The following UTRN variants were observed in gnomAD, a reference collection of about 807,000 sequenced individuals.
The protein encoded by UTRN is utrophin, also known as dystrophin-related protein 1.
A neutral mutation model predicts 463.9 loss-of-function variants in UTRN; 283 were observed. The observed-to-expected ratio is 0.61, with a 90% CI of 0.55 to 0.67. The LOEUF is 0.67. Among genes scored for constraint, UTRN ranks in the 30% least tolerant of loss-of-function variants. The pLI is 0.00. For missense variants in UTRN, 3,922 were observed against 4,084.3 expected (o/e 0.96, Z 1.08); for synonymous variants, 1,442 against 1,431.5 (o/e 1.01, Z -0.17).
At chr6:144,624,017 AT>A (rs2128649442) in intron 51 of UTRN, among the ~76,000 whole-genome samples, 1 of 152,296 alleles carries the variant, frequency 6.6e-6, no homozygotes, top group African/African-American at 2.4e-5. Context: ...ATTTGGGAAA[AT>A]TGGCCACCAG....
At chr6:144,376,448 T>C (rs1780472938) in intron 2 of UTRN, among the ~76,000 whole-genome samples, 1 of 149,424 alleles carries the variant, frequency 6.7e-6, no homozygotes, top group Non-Finnish European at 1.5e-5. Context: ...AGCGACACTC[T>C]GTCTCAAAAA....
At position 144,429,717 on chromosome 6, in the gene UTRN, TGAA is replaced by T. The variant is rs1785622437; in HGVS notation, c.837_839del (p.Glu280del). On this transcript the variant is annotated inframe_deletion, in exon 9 of 75. Coordinates refer to ENST00000367545, the MANE Select transcript of UTRN (RefSeq NM_007124.3). ...TCCCAAGGAAATATAAAAAAGAATG[TGAA>T]GAAGAGGCAATTAATATACAGGTAC... 1.2e-6 allele frequency: 2 copies of T among 1,611,314 alleles called. No homozygotes were observed. The highest frequency in any genetic ancestry group is 1.7e-5 in the Admixed American group (1 of 59,252).
At chr6:144,386,849 A>G (rs1324746806) in intron 2 of UTRN, among the ~76,000 whole-genome samples, 2 of 152,058 alleles carry the variant, frequency 1.3e-5, no homozygotes, top group East Asian at 3.9e-4. Context: ...GTCATGGCGG[A>G]TATTAAAACA....
At chr6:144,801,228 G>T (rs1209346516) in intron 64 of UTRN, among the ~76,000 whole-genome samples, 1 of 152,042 alleles carries the variant, frequency 6.6e-6, no homozygotes, top group Non-Finnish European at 1.5e-5. Flanking sequence ...AATATGTCCA[G>T]ACTTGATACC....
chr6:144,370,064 A>G (rs142012230), intron 2 of UTRN, among the ~76,000 whole-genome samples: 88 of 152,330 alleles, frequency 5.8e-4, no homozygotes, highest in African/African-American at 2.0e-3. Flanking sequence ...GGGTACTGCT[A>G]ATTAAGATAC....
At chr6:144,797,641 A>C in intron 63 of UTRN, 183 bp from the exon 64 acceptor site, 1 of 523,542 alleles carries the variant, frequency 1.9e-6, no homozygotes, top group Non-Finnish European at 3.1e-6. Flanking sequence ...TGCTTTTTCT[A>C]CTCATAAGTT....
chr6:144,557,844 C>T (rs1378822587), intron 50 of UTRN, among the ~76,000 whole-genome samples: 2 of 152,082 alleles, frequency 1.3e-5, no homozygotes, highest in Non-Finnish European at 2.9e-5. Flanking sequence ...TTTGGAACAG[C>T]CCAAAATAGA....
intron 19 of UTRN, among the ~76,000 whole-genome samples, chr6:144,455,540 G>A (rs950998280): frequency 6.6e-6 from 1 of 152,144 alleles, no homozygotes; most frequent in African/African-American, 2.4e-5. Flanking sequence ...TTGAATCTGT[G>A]TACTGAATTT....
chr6:144,476,151 A>G (rs895215641), intron 25 of UTRN, among the ~76,000 whole-genome samples: 1 of 149,586 alleles, frequency 6.7e-6, no homozygotes, highest in African/African-American at 2.4e-5. Context: ...CAGCAGTTTG[A>G]GACCAGATGC....
intron 51 of UTRN, among the ~76,000 whole-genome samples, chr6:144,622,244 A>G (rs1181564659): frequency 7.8e-6 from 1 of 128,148 alleles, no homozygotes; most frequent in East Asian, 2.6e-4. Flanking sequence ...GCTGGAGTAC[A>G]CGATCTTGGC....
intron 34 of UTRN, among the ~76,000 whole-genome samples, chr6:144,509,134 A>G (rs1244587402): frequency 1.3e-5 from 2 of 152,084 alleles, no homozygotes; most frequent in East Asian, 3.8e-4. Flanking sequence ...TGCAGAATTG[A>G]TATCTTTGTT....
At chr6:144,626,998 C>T (rs1468277235) in intron 51 of UTRN, among the ~76,000 whole-genome samples, 1 of 152,166 alleles carries the variant, frequency 6.6e-6, no homozygotes. Flanking sequence ...CTTTGTAGAT[C>T]ATTGAGAAAT....
intron 54 of UTRN, among the ~76,000 whole-genome samples, chr6:144,732,249 T>TATACACACACAC (rs1554359995): frequency 2.6e-5 from 3 of 116,858 alleles, no homozygotes; most frequent in African/African-American, 1.2e-4. Context: ...CATATATATA[T>TATACACACACAC]ATATATATAC....
chr6:144,792,802 T>G (rs1776874268), intron 62 of UTRN, among the ~76,000 whole-genome samples: 1 of 152,196 alleles, frequency 6.6e-6, no homozygotes, highest in Non-Finnish European at 1.5e-5. Context: ...TAACTTATCT[T>G]AGGATATTAG....
At chr6:144,725,280 T>G (rs187598155) in intron 53 of UTRN, among the ~76,000 whole-genome samples, 2 of 152,324 alleles carry the variant, frequency 1.3e-5, no homozygotes, top group East Asian at 1.9e-4. Context: ...CTGCAATGAT[T>G]GTGAGGCCTC....
intron 57 of UTRN, among the ~76,000 whole-genome samples, chr6:144,755,202 T>TA (rs901470057): frequency 3.9e-5 from 6 of 152,008 alleles, no homozygotes; most frequent in South Asian, 4.1e-4. Context: ...ACTTTCAAAG[T>TA]AAAAAAAATC....
chr6:144,764,679 T>A (rs1793073519), intron 58 of UTRN, among the ~76,000 whole-genome samples: 1 of 152,132 alleles, frequency 6.6e-6, no homozygotes, highest in Non-Finnish European at 1.5e-5. Flanking sequence ...GAAGTAATAA[T>A]GTTTAAAATT....
At chr6:144,334,334 G>A (rs1296929412) in intron 2 of UTRN, among the ~76,000 whole-genome samples, 1 of 146,626 alleles carries the variant, frequency 6.8e-6, no homozygotes, top group East Asian at 2.0e-4. Context: ...TGGGGGTGGT[G>A]AGGCAGGGTG....
At chr6:144,721,923 A>T (rs533768045) in intron 53 of UTRN, among the ~76,000 whole-genome samples, 1 of 152,312 alleles carries the variant, frequency 6.6e-6, no homozygotes, top group African/African-American at 2.4e-5. Flanking sequence ...CTCAAGTTTC[A>T]GATTTTGGAG....
Sources: allele counts gnomAD v4.1 joint callset (sites outside exome capture counted in the v4.1 genomes callset), GRCh38; gene constraint gnomAD v4.1.1; transcripts MANE v1.5; gene names NCBI Gene and HGNC (gene_info 2026-07-23, HGNC 2026-07-21).